CPNE3: variants seen among roughly 807,000 people sequenced by gnomAD.
The protein encoded by CPNE3 is copine 3, also known as copine-3.
A neutral mutation model predicts 63.9 loss-of-function variants in CPNE3; 68 were observed. That is an observed-to-expected ratio of 1.06 (90% confidence interval 0.87 to 1.30). The LOEUF (loss-of-function observed/expected upper bound fraction) is 1.30. Among genes scored for constraint, CPNE3 ranks in the 50% most tolerant of loss-of-function variants. The pLI is 0.00. For missense variants in CPNE3, 665 were observed against 578.1 expected, an observed-to-expected ratio of 1.15 and a Z score of -1.54; for synonymous variants, 219 against 197.5, an observed-to-expected ratio of 1.11 and a Z score of -0.91.
At chr8:86,552,809 A>G (rs1210437221) in intron 14 of CPNE3, among the ~76,000 whole-genome samples, 1 of 147,042 alleles carries the variant, frequency 6.8e-6, no homozygotes, top group Non-Finnish European at 1.5e-5. Context: ...AGCTCTTGAT[A>G]TTTGTGAAGA....
At chr8:86,521,946 T>C (rs543147483) in intron 2 of CPNE3, among the ~76,000 whole-genome samples, 2 of 152,080 alleles carry the variant, frequency 1.3e-5, no homozygotes, top group South Asian at 2.1e-4. Flanking sequence ...GAAGATAATA[T>C]ATTATTTGGA....
chr8:86,516,965 T>G (rs542494410), intron 2 of CPNE3, among the ~76,000 whole-genome samples: 1 of 152,196 alleles, frequency 6.6e-6, no homozygotes, highest in South Asian at 2.1e-4. Context: ...CAGGTGGATC[T>G]TTTAGCAAGA....
At chr8:86,538,651 T>C (rs1273221189) in intron 7 of CPNE3, among the ~76,000 whole-genome samples, 1 of 152,176 alleles carries the variant, frequency 6.6e-6, no homozygotes, top group Non-Finnish European at 1.5e-5. Flanking sequence ...TTGATGCCAT[T>C]GAATCTCTTG....
At chr8:86,520,828 T>C (rs1820421313) in intron 2 of CPNE3, among the ~76,000 whole-genome samples, 1 of 151,980 alleles carries the variant, frequency 6.6e-6, no homozygotes, top group South Asian at 2.1e-4. Flanking sequence ...AATTTTTGTG[T>C]TTTTAGTAGA....
Position 86,561,431 on chromosome 8 carries a change from A to C in CPNE3, c.*3021A>C, listed in dbSNP as rs1381567783. On this transcript the variant is annotated 3_prime_UTR_variant, in exon 17 of 17. Transcript: ENST00000517490. ...TGATGTGACAGAGTAGTGTGTTTTCATTTTTATTCTTTACATGTGACCAAA... is the reference window on the plus strand; with the variant it reads ...TGATGTGACAGAGTAGTGTGTTTTCCTTTTTATTCTTTACATGTGACCAAA... 6.6e-6 allele frequency: 1 copy of C among 152,194 alleles called. No homozygotes were observed. Among genetic ancestry groups the C allele is most frequent in the East Asian group, 1.9e-4 (1 of 5,198 alleles). The allele number at this position is 152,194 out of a possible 1,614,324, so 9.4% of individuals were successfully genotyped here. A position where few individuals can be genotyped will look rare whatever the true frequency, so the allele number is the denominator to read the frequency against.
chr8:86,529,254 A>G (rs530754718), intron 4 of CPNE3, 130 bp downstream of exon 4: 1 of 681,478 alleles, frequency 1.5e-6, no homozygotes, highest in East Asian at 2.7e-5. Flanking sequence ...CAGTTTATAT[A>G]TTAATATGAT....
intron 6 of CPNE3, 68 bp downstream of exon 6, chr8:86,532,648 C>G: frequency 7.5e-7 from 1 of 1,332,932 alleles, no homozygotes; most frequent in Admixed American, 1.9e-5. Context: ...AATAAAAATG[C>G]AGTTAATATC....
At chr8:86,543,151 T>C (rs1481071378) in intron 8 of CPNE3, among the ~76,000 whole-genome samples, 3 of 152,140 alleles carry the variant, frequency 2.0e-5, no homozygotes, top group Non-Finnish European at 2.9e-5. Context: ...TCTTTTCCCT[T>C]GGCACATTAA....
At chr8:86,542,698 G>A (rs751672452) in intron 8 of CPNE3, among the ~76,000 whole-genome samples, 2 of 151,738 alleles carry the variant, frequency 1.3e-5, no homozygotes, top group African/African-American at 2.4e-5. Flanking sequence ...TTGAATTCTT[G>A]AAAAGAGAGA....
At chr8:86,531,130 CTG>C (rs1820673511) in intron 4 of CPNE3, 23 bp from the exon 5 acceptor site, 3 of 942,584 alleles carry the variant, frequency 3.2e-6, no homozygotes, top group South Asian at 2.6e-5. Flanking sequence ...GGAAATGACT[CTG>C]TATCACTTTC....
rs377386488 is a variant in CPNE3, at chr8:86,554,888, T to C, written c.1158T>C (p.Leu386=). The change falls in exon 15 of 17, where the codon CTT becomes CTC. Residue 386 remains leucine (L), a synonymous_variant. Coordinates refer to ENST00000517490, the MANE Select transcript of CPNE3 (RefSeq NM_003909.5). ...TTGTAGAGGCGTATCGGTCTTGTCT[T>C]CCTCAGATAAAACTCTATGGACCAA... ...QGIVEAYRSC[L]PQIKLYGPTN... The C allele has an allele frequency of 2.3e-5, 37 of 1,614,192 alleles. No individual in the cohort carries two copies. In the African/African-American group the frequency reaches 3.9e-4, roughly 17 times the overall value.
intron 2 of CPNE3, among the ~76,000 whole-genome samples, chr8:86,515,793 AT>A (rs1820287567): frequency 6.6e-6 from 1 of 152,222 alleles, no homozygotes; most frequent in Non-Finnish European, 1.5e-5. Flanking sequence ...GTGGTAAGCT[AT>A]ATATAGCCAC....
intron 8 of CPNE3, among the ~76,000 whole-genome samples, chr8:86,543,251 T>C (rs187187884): frequency 1.1e-3 from 161 of 152,266 alleles, no homozygotes; most frequent in African/African-American, 3.7e-3. Flanking sequence ...CCAAAATGCC[T>C]GCAAAGCATT....
At chr8:86,533,190 C>G (rs984829973) in intron 6 of CPNE3, among the ~76,000 whole-genome samples, 5 of 152,048 alleles carry the variant, frequency 3.3e-5, no homozygotes, top group African/African-American at 1.2e-4. Context: ...CTGAGCCCAG[C>G]TTTTTGTACT....
intron 3 of CPNE3, 28 bp downstream of exon 3, chr8:86,528,705 TA>T: frequency 6.3e-7 from 1 of 1,585,866 alleles, no homozygotes; most frequent in East Asian, 2.2e-5. Context: ...ACCTAAAAAG[TA>T]ATCTGAATTA....
At chr8:86,543,849 C>T (rs1400726662) in intron 8 of CPNE3, among the ~76,000 whole-genome samples, 1 of 152,078 alleles carries the variant, frequency 6.6e-6, no homozygotes, top group Non-Finnish European at 1.5e-5. Context: ...TAAATGTTCA[C>T]AATCACAGTC....
At position 86,532,515 on chromosome 8, in the gene CPNE3, G is replaced by T. The variant is rs1354037360; in HGVS notation, c.394G>T (p.Ala132Ser). ...PAGKGSITIS[A>S]EEIKDNRVVL... ...TTACCTGATCTACTCATAGATTTCA[G>T]CTGAAGAAATAAAAGATAATAGAGT... is the stretch of plus-strand genomic sequence containing the variant. Residue 132 changes from alanine (A) to serine (S), a missense_variant, in exon 6 of 17, where the codon GCT becomes TCT. By Grantham distance (99) the Ala-to-Ser change is moderately conservative (BLOSUM62 1). Coordinates refer to ENST00000517490, the MANE Select transcript of CPNE3 (RefSeq NM_003909.5). 6.2e-7 allele frequency: 1 copy of T among 1,611,058 alleles called. No individual in the cohort carries two copies. Among genetic ancestry groups the T allele is most frequent in the Non-Finnish European group, 8.5e-7 (1 of 1,178,752 alleles).
chr8:86,551,028 A>T lies in CPNE3; in HGVS notation c.1014-18A>T. On this transcript the variant is annotated intron_variant, in intron 12 of 16. Coordinates refer to ENST00000517490, the MANE Select transcript of CPNE3 (RefSeq NM_003909.5). ...TTTGGAAAAAACAGTATTTTATTAA[A>T]TATTTTTTTCTTTTTAGTGATAAGA... 6.5e-7 allele frequency: 1 copy of T among 1,546,612 alleles called. No homozygotes were observed. Among genetic ancestry groups the T allele is most frequent in the Non-Finnish European group, 8.7e-7 (1 of 1,147,090 alleles).
intron 2 of CPNE3, among the ~76,000 whole-genome samples, chr8:86,523,299 G>A (rs1414492588): frequency 6.6e-6 from 1 of 152,172 alleles, no homozygotes. Flanking sequence ...TTTGGCAGAG[G>A]TGACACATCC....
Sources: gnomAD v4.1 joint callset for allele counts (sites outside exome capture counted in the v4.1 genomes callset) on GRCh38, gnomAD v4.1.1 for gene constraint, MANE v1.5 for transcripts, NCBI Gene and HGNC (gene_info 2026-07-23, HGNC 2026-07-21) for gene names.